The following TOMM7 variants were observed in gnomAD, a reference collection of about 807,000 sequenced individuals.
The protein encoded by TOMM7 is mitochondrial import receptor subunit TOM7 homolog.
Under a neutral mutation model 9.5 loss-of-function variants are expected in TOMM7, and 8 were observed. The ratio of observed to expected loss-of-function variants is 0.84; its 90% confidence interval spans 0.49 to 1.51. The LOEUF is 1.51. TOMM7 is among the 40% of genes most tolerant of loss of function. The pLI is 0.00. For missense variants in TOMM7, 74 were observed against 63.7 expected, an observed-to-expected ratio of 1.16 and a Z score of -0.55; for synonymous variants, 27 against 21.4, an observed-to-expected ratio of 1.26 and a Z score of -0.72.
Position 22,822,815 on chromosome 7 carries a change from A to C in TOMM7, c.-36T>G. 1 of 1,539,800 alleles carries C rather than the reference A, an allele frequency of 6.5e-7. No homozygotes were observed. The highest frequency in any genetic ancestry group is 9.0e-7 in the Non-Finnish European group (1 of 1,112,764). On this transcript the variant is annotated 5_prime_UTR_variant, in exon 1 of 3. Transcript: ENST00000358435. ...GTGTGGCGCAGGGAGGACCCCTTAC[A>C]GCAACCACAGCGTCGGGAATCCGAA...
chr7:22,816,756 CTAAGT>C (rs1234421474), intron 2 of TOMM7, among the ~76,000 whole-genome samples: 1 of 152,116 alleles, frequency 6.6e-6, no homozygotes, highest in Non-Finnish European at 1.5e-5. Flanking sequence ...TAGTATTGTG[CTAAGT>C]TAAGAAAGAG....
chr7:22,821,933 A>G (rs981793), intron 1 of TOMM7, among the ~76,000 whole-genome samples: 148,958 of 152,176 alleles, frequency 0.98, 72,921 homozygotes, highest in East Asian at 1. Context: ...ACAGGAGGGG[A>G]AGGTTGCAAT....
chr7:22,818,106 A>C, intron 1 of TOMM7, 58 bp from the exon 2 acceptor site: 1 of 1,522,534 alleles, frequency 6.6e-7, no homozygotes, highest in East Asian at 2.3e-5. Context: ...CAGACAAAAC[A>C]TTTACAATCA....
At chr7:22,816,194 C>A (rs1056191450) in intron 2 of TOMM7, among the ~76,000 whole-genome samples, 2 of 152,142 alleles carry the variant, frequency 1.3e-5, no homozygotes. Context: ...ATATTCAATG[C>A]TCATGGCTAC....
In TOMM7 at chr7:22,813,140, G is replaced by A. The variant is rs1562671468; in HGVS notation, c.*30C>T. Reference sequence around the variant, plus strand: ...ACATCTTCCATGCTGTCCGCTGATTGCCTCCAAATCCAGAAGACCAAATAA... The same window carrying A: ...ACATCTTCCATGCTGTCCGCTGATTACCTCCAAATCCAGAAGACCAAATAA... On this transcript the variant is annotated 3_prime_UTR_variant, in exon 3 of 3. Transcript: ENST00000358435. 1 of 1,612,812 alleles carries A rather than the reference G, an allele frequency of 6.2e-7. No individual in the cohort carries two copies. Among genetic ancestry groups the A allele is most frequent in the Non-Finnish European group, 8.5e-7 (1 of 1,179,006 alleles).
At chr7:22,814,535 C>T (rs921077106) in intron 2 of TOMM7, among the ~76,000 whole-genome samples, 1 of 151,974 alleles carries the variant, frequency 6.6e-6, no homozygotes, top group Non-Finnish European at 1.5e-5. Context: ...CTATGAAGGT[C>T]TCTTCTTCAA....
At chr7:22,822,130 G>A in intron 1 of TOMM7, 5 of 1,549,190 alleles carry the variant, frequency 3.2e-6, no homozygotes, top group Non-Finnish European at 4.4e-6. Context: ...TGGCAAAAAA[G>A]TTTCTCTACG....
Position 22,819,375 on chromosome 7 carries a change from C to CTT in TOMM7, c.104-1329_104-1328dup, listed in dbSNP as rs58550366. On this transcript the variant is annotated intron_variant, in intron 1 of 2. Coordinates refer to ENST00000358435, the MANE Select transcript of TOMM7 (RefSeq NM_019059.5). ...ACAGATGTTGGTATAAAACACTATT[C>CTT]TTTTTTTTTTTGAGACGGAGTCTCG... 2.8e-3 allele frequency among the ~76,000 whole-genome samples: 416 copies of CTT among 149,342 alleles called. 1 individual carries two copies. Among genetic ancestry groups the CTT allele is most frequent in the Middle Eastern group, 0.017 (5 of 290 alleles).
At chr7:22,821,933 A>T (rs981793) in intron 1 of TOMM7, among the ~76,000 whole-genome samples, 1 of 152,076 alleles carries the variant, frequency 6.6e-6, no homozygotes, top group African/African-American at 2.4e-5. Flanking sequence ...ACAGGAGGGG[A>T]AGGTTGCAAT....
At chr7:22,819,859 G>A (rs752774290) in intron 1 of TOMM7, among the ~76,000 whole-genome samples, 14 of 152,174 alleles carry the variant, frequency 9.2e-5, no homozygotes, top group Non-Finnish European at 1.8e-4. Context: ...TCCAACAAGC[G>A]GCTCATTAAA....
chr7:22,814,860 C>T (rs1782296548), intron 2 of TOMM7, among the ~76,000 whole-genome samples: 1 of 152,080 alleles, frequency 6.6e-6, no homozygotes, highest in Non-Finnish European at 1.5e-5. Flanking sequence ...ATTATATAAA[C>T]AATAAATATA....
chr7:22,822,282 T>C (rs1271711532), intron 1 of TOMM7: 4 of 1,549,108 alleles, frequency 2.6e-6, no homozygotes, highest in Admixed American at 3.9e-5. Flanking sequence ...GGTGTCTCGA[T>C]TCCCTGAACA....
At chr7:22,820,572 C>T (rs1782373320) in intron 1 of TOMM7, among the ~76,000 whole-genome samples, 1 of 152,092 alleles carries the variant, frequency 6.6e-6, no homozygotes, top group East Asian at 1.9e-4. Context: ...ACCTCGTACA[C>T]GCAGTGAAAA....
At chr7:22,815,030 C>T (rs189119784) in intron 2 of TOMM7, among the ~76,000 whole-genome samples, 49 of 152,306 alleles carry the variant, frequency 3.2e-4, no homozygotes, top group Non-Finnish European at 6.3e-4. Flanking sequence ...AATTCCGTAA[C>T]TGAGTAACCC....
intron 2 of TOMM7, among the ~76,000 whole-genome samples, chr7:22,816,877 T>G (rs1353196838): frequency 6.6e-6 from 1 of 152,240 alleles, no homozygotes; most frequent in Non-Finnish European, 1.5e-5. Flanking sequence ...TCTGAAGGAC[T>G]GAAGTTGACA....
rs1194597895 is a variant in TOMM7, at chr7:22,817,941, G to C, written c.152+59C>G. The C allele has an allele frequency of 2.7e-6, 4 of 1,488,906 alleles. No homozygotes were observed. The African/African-American group carries it at 4.2e-5, about 15-fold the overall frequency. 92.2% of individuals were successfully genotyped at this position (1,488,906 alleles called of 1,614,324 possible). A position where few individuals can be genotyped will look rare whatever the true frequency, so the allele number is the denominator to read the frequency against. The stretch of plus-strand genomic sequence containing the variant: ...GCCACTATTACTCTTTTACATCTTA[G>C]TGATTCAGTACTACTGTATGAACAT... On this transcript the variant is annotated intron_variant, in intron 2 of 2. Coordinates refer to ENST00000358435, the MANE Select transcript of TOMM7 (RefSeq NM_019059.5).
chr7:22,822,733 A>G lies in TOMM7; in HGVS notation c.47T>C (p.Phe16Ser). 6.2e-7 allele frequency: 1 copy of G among 1,614,216 alleles called. No individual in the cohort carries two copies. Among genetic ancestry groups the G allele is most frequent in the Non-Finnish European group, 8.5e-7 (1 of 1,180,034 alleles). ...GCGAATGGCAAACTGGCTCCCCTTGAAGAGCTGCTGTAGTCTCTGCTTGGC... is the reference window on the plus strand; with the variant it reads ...GCGAATGGCAAACTGGCTCCCCTTGGAGAGCTGCTGTAGTCTCTGCTTGGC... ...KEAKQRLQQL[F>S]KGSQFAIRWG... Residue 16 changes from phenylalanine (F) to serine (S), a missense_variant, in exon 1 of 3, where the codon TTC (phenylalanine) becomes TCC (serine). By Grantham distance (155) the Phe-to-Ser change is radical (BLOSUM62 -2). Coordinates refer to ENST00000358435, the MANE Select transcript of TOMM7 (RefSeq NM_019059.5).
intron 1 of TOMM7, among the ~76,000 whole-genome samples, chr7:22,818,645 GGC>G (rs1782347439): frequency 6.6e-6 from 1 of 151,936 alleles, no homozygotes. Context: ...ATACACAATT[GGC>G]ACAGTTGCCC....
At chr7:22,821,428 AAG>A (rs1782389434) in intron 1 of TOMM7, among the ~76,000 whole-genome samples, 2 of 146,684 alleles carry the variant, frequency 1.4e-5, no homozygotes, top group South Asian at 4.3e-4. Context: ...AAAAAAGAAA[AAG>A]AAAAAACTAC....
Sources: gnomAD v4.1 joint callset for allele counts (sites outside exome capture counted in the v4.1 genomes callset) on GRCh38, gnomAD v4.1.1 for gene constraint, MANE v1.5 for transcripts, NCBI Gene and HGNC (gene_info 2026-07-23, HGNC 2026-07-21) for gene names.